PTPN14: variants seen among roughly 807,000 people sequenced by gnomAD.
The protein encoded by PTPN14 is tyrosine-protein phosphatase non-receptor type 14.
PTPN14 carries 53 observed loss-of-function variants against 126.8 expected under a neutral mutation model. The ratio of observed to expected loss-of-function variants is 0.42; its 90% CI spans 0.34 to 0.53. The LOEUF (loss-of-function observed/expected upper bound fraction) is 0.53, where lower values mean the gene tolerates loss of function less well. Ranked by LOEUF, PTPN14 falls within the 20% of genes least tolerant of loss-of-function variation. The probability of loss-of-function intolerance (pLI) is 0.08; values close to 1 mark genes in which losing one functional copy is unlikely to be tolerated. For missense variants in PTPN14, 1,257 were observed against 1,552.9 expected, an observed-to-expected ratio of 0.81 and a Z score of 3.20; for synonymous variants, 630 against 599.3, an observed-to-expected ratio of 1.05 and a Z score of -0.75.
rs1313369719 is a variant in PTPN14, at chr1:214,351,877, G to T, written c.*6045C>A. ...TTCCAGAGTTCAGAAAATTATTTGT[G>T]AAACAGAGAACTTTTGGATAGCAAC... On this transcript the variant is annotated 3_prime_UTR_variant, in exon 19 of 19. Coordinates refer to ENST00000366956, the MANE Select transcript of PTPN14 (RefSeq NM_005401.5). 6.6e-6 allele frequency: 1 copy of T among 152,198 alleles called. No individual in the cohort carries two copies. The highest frequency in any genetic ancestry group is 1.5e-5 in the Non-Finnish European group (1 of 68,044). 9.4% of individuals were successfully genotyped at this position (152,198 alleles called of 1,614,324 possible).
At chr1:214,413,720 G>A (rs1659360556) in intron 4 of PTPN14, among the ~76,000 whole-genome samples, 1 of 152,170 alleles carries the variant, frequency 6.6e-6, no homozygotes, top group African/African-American at 2.4e-5. Flanking sequence ...CCAGGCTGGA[G>A]TGTGGTGGTG....
intron 18 of PTPN14, among the ~76,000 whole-genome samples, chr1:214,360,980 T>A (rs1235797078): frequency 6.6e-6 from 1 of 152,184 alleles, no homozygotes; most frequent in African/African-American, 2.4e-5. Context: ...CTTTGCTCTC[T>A]CTCTCTCCTG....
rs1457615440 is a variant in PTPN14, at chr1:214,376,524, T to C, written c.2689-87A>G. 14 of 1,167,628 alleles carry C rather than the reference T, an allele frequency of 1.2e-5. No homozygotes were observed. The South Asian group carries it at 1.3e-4, about 11-fold the overall frequency. 72.3% of individuals were successfully genotyped at this position (1,167,628 alleles called of 1,614,324 possible). A position where few individuals can be genotyped will look rare whatever the true frequency, so the allele number is the denominator to read the frequency against. ...CCAAATTTCTTTAAATATTTAGCGA[T>C]TGTGTTAAAAGAGATTTCAAGTTCT... On this transcript the variant is annotated intron_variant, in intron 14 of 18. Transcript: ENST00000366956.
At chr1:214,448,551 C>T (rs1476026019) in intron 3 of PTPN14, among the ~76,000 whole-genome samples, 1 of 152,032 alleles carries the variant, frequency 6.6e-6, no homozygotes, top group African/African-American at 2.4e-5. Context: ...AGACACTGCC[C>T]GGCCTATTCA....
In PTPN14 at chr1:214,350,365, G is replaced by A. The variant is rs905813278; in HGVS notation, c.*7557C>T. ...CTCTCAATCTATATAAGTTCACCTC[G>A]AAATACATATTAAGTACTGCTGTCA... is the stretch of plus-strand genomic sequence containing the variant. On this transcript the variant is annotated 3_prime_UTR_variant, in exon 19 of 19. Coordinates refer to ENST00000366956, the MANE Select transcript of PTPN14 (RefSeq NM_005401.5). The A allele has an allele frequency of 2.0e-5, 3 of 152,040 alleles. No homozygotes were observed. Among genetic ancestry groups the A allele is most frequent in the East Asian group, 1.9e-4 (1 of 5,188 alleles). 9.4% of individuals were successfully genotyped at this position (152,040 alleles called of 1,614,324 possible).
At position 214,356,948 on chromosome 1, in the gene PTPN14, T is replaced by A. The variant is rs1657835989; in HGVS notation, c.*974A>T. The A allele has an allele frequency of 1.3e-5, 2 of 152,188 alleles. No homozygotes were observed. The allele number at this position is 152,188 out of a possible 1,614,324, so 9.4% of individuals were successfully genotyped here. A position where few individuals can be genotyped will look rare whatever the true frequency, so the allele number is the denominator to read the frequency against. On this transcript the variant is annotated 3_prime_UTR_variant, in exon 19 of 19. Transcript: ENST00000366956. ...ATCTTATTTAAATAAAAAACAATGA[T>A]CATCAAGGCCCTGCCTGAAAAACAC...
chr1:214,393,439 A>T (rs1247699800), intron 10 of PTPN14, among the ~76,000 whole-genome samples: 3 of 152,204 alleles, frequency 2.0e-5, no homozygotes, highest in Non-Finnish European at 4.4e-5. Context: ...AAAGGCGCTA[A>T]TGTGGGCCAA....
chr1:214,520,904 T>C (rs1655238784), intron 1 of PTPN14, among the ~76,000 whole-genome samples: 1 of 152,096 alleles, frequency 6.6e-6, no homozygotes, highest in Non-Finnish European at 1.5e-5. Context: ...TGGACTAAAT[T>C]GTTATTTACC....
intron 3 of PTPN14, among the ~76,000 whole-genome samples, chr1:214,435,306 G>GC (rs1659887613): frequency 6.6e-6 from 1 of 151,790 alleles, no homozygotes. Flanking sequence ...AGAGCAACAG[G>GC]CAACAATATC....
intron 3 of PTPN14, among the ~76,000 whole-genome samples, chr1:214,421,188 CT>C (rs1209936101): frequency 2.6e-5 from 4 of 152,178 alleles, no homozygotes; most frequent in Non-Finnish European, 5.9e-5. Context: ...AAAATGCGGT[CT>C]CTTCAAACAA....
At chr1:214,544,789 A>G (rs1014421116) in intron 1 of PTPN14, among the ~76,000 whole-genome samples, 32 of 151,864 alleles carry the variant, frequency 2.1e-4, no homozygotes, top group African/African-American at 7.3e-4. Flanking sequence ...CAGAAGAAAG[A>G]GACAGAGAGA....
At chr1:214,540,399 G>C (rs1206550297) in intron 1 of PTPN14, among the ~76,000 whole-genome samples, 1 of 152,132 alleles carries the variant, frequency 6.6e-6, no homozygotes. Flanking sequence ...TTGCTGGCTT[G>C]AGCTGTCACC....
chr1:214,454,077 G>T (rs964594136), intron 2 of PTPN14, among the ~76,000 whole-genome samples: 1 of 152,074 alleles, frequency 6.6e-6, no homozygotes, highest in African/African-American at 2.4e-5. Flanking sequence ...GGTATTCCAC[G>T]GTATTTTGGA....
chr1:214,376,371 T>C lies in PTPN14; in HGVS notation c.2755A>G (p.Lys919Glu). Reference protein sequence around the residue: ...VFTEYEQIPKKKANGIFSTAA... With the variant: ...VFTEYEQIPKEKANGIFSTAA... ...GTGCTGAAAATGCCATTCGCCTTTT[T>C]CTTTGGAATTTGCTCATATTCTGTG... Residue 919 changes from lysine to glutamate, a missense_variant, in exon 15 of 19, where the codon AAA (lysine) becomes GAA (glutamate). This residue lies in a region of PTPN14 where 65 missense variants were observed against 139.7 expected (regional missense o/e 0.47). Coordinates refer to ENST00000366956, the MANE Select transcript of PTPN14 (RefSeq NM_005401.5). 4 of 1,614,218 alleles carry C rather than the reference T, an allele frequency of 2.5e-6. No homozygotes were observed. The highest frequency in any genetic ancestry group is 1.7e-5 in the Admixed American group (1 of 60,030).
intron 9 of PTPN14, among the ~76,000 whole-genome samples, chr1:214,394,021 TACACTGATGA>T (rs1393218760): frequency 1.3e-5 from 2 of 152,186 alleles, no homozygotes; most frequent in Non-Finnish European, 2.9e-5. Context: ...GTGCTGGGGT[TACACTGATGA>T]ACCAGCATGT....
intron 9 of PTPN14, 57 bp downstream of exon 9, chr1:214,394,842 G>T: frequency 1.4e-6 from 2 of 1,476,820 alleles, no homozygotes; most frequent in Middle Eastern, 1.7e-4. Context: ...ATTAGGAGTT[G>T]AAAAGTCCAA....
chr1:214,549,626 AC>A (rs1357394089), intron 1 of PTPN14, among the ~76,000 whole-genome samples: 1 of 152,218 alleles, frequency 6.6e-6, no homozygotes, highest in African/African-American at 2.4e-5. Flanking sequence ...CTGCGGTATT[AC>A]CACACCTACG....
At chr1:214,418,422 C>A (rs1386067071) in intron 3 of PTPN14, among the ~76,000 whole-genome samples, 1 of 152,230 alleles carries the variant, frequency 6.6e-6, no homozygotes, top group Non-Finnish European at 1.5e-5. Flanking sequence ...TTAGAGAAGG[C>A]AACTGTGTTG....
chr1:214,387,498 G>A (rs1658647720), intron 11 of PTPN14, among the ~76,000 whole-genome samples: 1 of 152,018 alleles, frequency 6.6e-6, no homozygotes, highest in Non-Finnish European at 1.5e-5. Flanking sequence ...GCAACAGATT[G>A]AGACTTCGTC....
Sources: allele counts gnomAD v4.1 joint callset (sites outside exome capture counted in the v4.1 genomes callset), GRCh38; gene constraint gnomAD v4.1.1; regional missense constraint gnomAD v4.1.1; transcripts MANE v1.5; gene names NCBI Gene and HGNC (gene_info 2026-07-23, HGNC 2026-07-21).